The following OPCML variants were observed in gnomAD, a reference collection of about 807,000 sequenced individuals.
OPCML encodes the protein opioid-binding protein/cell adhesion molecule.
In OPCML, 13 loss-of-function variants were observed where a neutral mutation model predicts 37.8. The ratio of observed to expected loss-of-function variants is 0.34; its 90% confidence interval spans 0.22 to 0.55. OPCML has a LOEUF of 0.55. Ranked by LOEUF, OPCML falls within the 20% of genes least tolerant of loss-of-function variation. OPCML has a pLI of 0.91. For missense variants in OPCML, 341 were observed against 435.6 expected, an observed-to-expected ratio of 0.78 and a Z score of 1.93; for synonymous variants, 176 against 168.8, an observed-to-expected ratio of 1.04 and a Z score of -0.33.
intron 2 of OPCML, among the ~76,000 whole-genome samples, chr11:132,692,497 C>G (rs1190934281): frequency 6.6e-6 from 1 of 152,168 alleles, no homozygotes; most frequent in Non-Finnish European, 1.5e-5. Flanking sequence ...CATATTCAGT[C>G]TTAGATCCAA....
rs1555102486 is a variant in OPCML, at chr11:133,140,859, AGAC to A, written c.62-197852_62-197850del. On this transcript the variant is annotated intron_variant, in intron 1 of 7. Transcript: ENST00000524381. ...AAGAAGACGACGACGACGACGAAGA[AGAC>A]GACGACGACGAAGAAGACGACGACG... is the stretch of plus-strand genomic sequence containing the variant. 3.9e-4 allele frequency among the ~76,000 whole-genome samples: 13 copies of A among 33,524 alleles called. 6 individuals carry two copies. Among genetic ancestry groups the A allele is most frequent in the African/African-American group, 5.7e-4 (9 of 15,654 alleles). 22.0% of individuals were successfully genotyped at this position (33,524 alleles called of 152,430 possible).
At chr11:133,223,459 T>C (rs1289950499) in intron 1 of OPCML, among the ~76,000 whole-genome samples, 1 of 152,196 alleles carries the variant, frequency 6.6e-6, no homozygotes, top group East Asian at 1.9e-4. Flanking sequence ...CCTCTAATCC[T>C]TTCCTCTGCC....
At chr11:133,024,491 A>G in intron 1 of OPCML, 1 of 985,338 alleles carries the variant, frequency 1.0e-6, no homozygotes, top group Non-Finnish European at 1.2e-6. Flanking sequence ...TTTCACGGGT[A>G]ATGAGATGTA....
intron 4 of OPCML, among the ~76,000 whole-genome samples, chr11:132,481,093 G>A (rs2096178585): frequency 6.6e-6 from 1 of 152,024 alleles, no homozygotes; most frequent in African/African-American, 2.4e-5. Context: ...AAATGTAAAT[G>A]GACTAAATGC....
At chr11:133,343,538 A>T (rs1399826936) in intron 1 of OPCML, among the ~76,000 whole-genome samples, 1 of 152,176 alleles carries the variant, frequency 6.6e-6, no homozygotes, top group African/African-American at 2.4e-5. Context: ...GGCGTTTTCA[A>T]CCCTGGGAGT....
chr11:132,457,974 T>A (rs1365720256), intron 4 of OPCML, among the ~76,000 whole-genome samples: 1 of 152,164 alleles, frequency 6.6e-6, no homozygotes, highest in African/African-American at 2.4e-5. Context: ...GGAGAGCCAG[T>A]CAACAAACCA....
chr11:132,642,925 T>G (rs1050793266), intron 3 of OPCML, among the ~76,000 whole-genome samples: 2 of 152,150 alleles, frequency 1.3e-5, no homozygotes, highest in African/African-American at 4.8e-5. Context: ...CCTTTTCTGT[T>G]GAATATACCT....
In OPCML at chr11:133,206,935, A is replaced by G. The variant is rs578746; in HGVS notation, c.62-263925T>C. On this transcript the variant is annotated intron_variant, in intron 1 of 7. Coordinates refer to ENST00000524381, the MANE Select transcript of OPCML (RefSeq NM_001012393.5). This position sits in a 1 kb window ranked among gnomAD's most constrained non-coding sequence, Gnocchi z 4.7. Reference sequence around the variant, plus strand: ...TGAGAAGCGAGGCCCGGATCACGTAATCCAGATGTTGCTCCTGAAATGCAC... The same window carrying G: ...TGAGAAGCGAGGCCCGGATCACGTAGTCCAGATGTTGCTCCTGAAATGCAC... Among the ~76,000 whole-genome samples the G allele has an allele frequency of 0.84, 128,276 of 151,966 alleles. 54,640 individuals are homozygous for G. Among genetic ancestry groups the G allele is most frequent in the African/African-American group, 0.96 (39,715 of 41,464 alleles).
At chr11:132,804,158 C>T (rs759216486) in intron 2 of OPCML, among the ~76,000 whole-genome samples, 14 of 152,126 alleles carry the variant, frequency 9.2e-5, no homozygotes, top group Non-Finnish European at 2.1e-4. Flanking sequence ...CAGGTTTCTA[C>T]CTGGAGACAG....
intron 1 of OPCML, among the ~76,000 whole-genome samples, chr11:133,312,557 T>A (rs1247715369): frequency 6.6e-6 from 1 of 152,198 alleles, no homozygotes; most frequent in African/African-American, 2.4e-5. Context: ...TAAACACAGA[T>A]ATAAATGATT....
intron 4 of OPCML, among the ~76,000 whole-genome samples, chr11:132,499,774 T>C (rs562122965): frequency 6.6e-6 from 1 of 152,332 alleles, no homozygotes; most frequent in East Asian, 1.9e-4. Flanking sequence ...AAGGACATGC[T>C]GGCAACTGAG....
intron 3 of OPCML, among the ~76,000 whole-genome samples, chr11:132,592,304 C>T (rs552088872): frequency 6.6e-6 from 1 of 152,288 alleles, no homozygotes; most frequent in Non-Finnish European, 1.5e-5. Context: ...ATTGCTGTAC[C>T]TTGGAGCCTG....
At chr11:132,457,055 A>C (rs758692936) in intron 4 of OPCML, among the ~76,000 whole-genome samples, 2 of 152,072 alleles carry the variant, frequency 1.3e-5, no homozygotes, top group Non-Finnish European at 2.9e-5. Flanking sequence ...ACAGAACCAG[A>C]CTGCTGTGGG....
chr11:132,437,947 C>T (rs370174905), intron 4 of OPCML, among the ~76,000 whole-genome samples: 6 of 152,190 alleles, frequency 3.9e-5, no homozygotes, highest in Non-Finnish European at 7.3e-5. Flanking sequence ...AAGGACCCCA[C>T]GATGGCTTTG....
At chr11:132,727,861 A>G (rs1328597648) in intron 2 of OPCML, among the ~76,000 whole-genome samples, 4 of 152,220 alleles carry the variant, frequency 2.6e-5, no homozygotes, top group African/African-American at 7.2e-5. Context: ...ACAGCTCAGC[A>G]GTGGCAAGGC....
chr11:133,128,625 T>G (rs575655958), intron 1 of OPCML, among the ~76,000 whole-genome samples: 14 of 152,304 alleles, frequency 9.2e-5, no homozygotes, highest in Non-Finnish European at 1.2e-4. Flanking sequence ...GAGCCTCAGA[T>G]GCCATAGCTT....
intron 3 of OPCML, among the ~76,000 whole-genome samples, chr11:132,592,830 G>T (rs1187185414): frequency 6.6e-6 from 1 of 152,190 alleles, no homozygotes; most frequent in Non-Finnish European, 1.5e-5. Context: ...TAGTAATTCT[G>T]TGTGTACCTG....
intron 1 of OPCML, among the ~76,000 whole-genome samples, chr11:133,062,038 G>A (rs1294915778): frequency 2.6e-5 from 4 of 152,196 alleles, no homozygotes; most frequent in African/African-American, 9.6e-5. Context: ...AGCACTGGGT[G>A]TAAAGACACC....
intron 1 of OPCML, among the ~76,000 whole-genome samples, chr11:133,397,040 C>T (rs1008836797): frequency 2.0e-5 from 3 of 152,144 alleles, no homozygotes; most frequent in Admixed American, 6.5e-5. Context: ...AGTAGCACTC[C>T]ATGTCTATTT....
Sources: allele counts gnomAD v4.1 joint callset (sites outside exome capture counted in the v4.1 genomes callset), GRCh38; gene constraint gnomAD v4.1.1; non-coding constraint Gnocchi (gnomAD v3.1); transcripts MANE v1.5; gene names NCBI Gene and HGNC (gene_info 2026-07-23, HGNC 2026-07-21).